The following NRXN3 variants were observed in gnomAD, a reference collection of about 807,000 sequenced individuals.
NRXN3 encodes neurexin 3.
A neutral mutation model predicts 137.6 loss-of-function variants in NRXN3; 32 were observed. That is an observed-to-expected ratio of 0.23 (90% CI 0.18 to 0.31). The LOEUF (loss-of-function observed/expected upper bound fraction) is 0.31, where lower values mean the gene tolerates loss of function less well. NRXN3 is among the 10% of genes least tolerant of loss of function. NRXN3 has a pLI of 1.00. For missense variants in NRXN3, 1,574 were observed against 2,062.5 expected, an observed-to-expected ratio of 0.76 and a Z score of 4.59; for synonymous variants, 798 against 784.5, an observed-to-expected ratio of 1.02 and a Z score of -0.29.
chr14:78,348,615 A>C (rs1012733718), intron 4 of NRXN3, among the ~76,000 whole-genome samples: 1 of 152,182 alleles, frequency 6.6e-6, no homozygotes, highest in Admixed American at 6.5e-5. Flanking sequence ...GCTGCGTATC[A>C]TTCTTTGGGG....
At chr14:79,804,591 A>G (rs1027658027) in intron 19 of NRXN3, among the ~76,000 whole-genome samples, 1 of 152,194 alleles carries the variant, frequency 6.6e-6, no homozygotes, top group Non-Finnish European at 1.5e-5. Context: ...GATAAAAGCC[A>G]TTATGCAGTT....
intron 4 of NRXN3, among the ~76,000 whole-genome samples, chr14:78,349,271 C>A (rs1272204914): frequency 1.3e-5 from 2 of 152,178 alleles, no homozygotes; most frequent in African/African-American, 4.8e-5. Context: ...GGCTGTCTGG[C>A]CAAGTTGCCG....
intron 1 of NRXN3, among the ~76,000 whole-genome samples, chr14:78,240,158 C>A (rs914259027): frequency 2.0e-5 from 3 of 152,210 alleles, no homozygotes; most frequent in African/African-American, 7.2e-5. Flanking sequence ...CTCTCACAAG[C>A]CTGTATGAGT....
chr14:78,312,754 T>C (rs908444255), intron 4 of NRXN3, among the ~76,000 whole-genome samples: 32 of 152,144 alleles, frequency 2.1e-4, no homozygotes, highest in African/African-American at 7.5e-4. Context: ...AAATCGGTTC[T>C]TAAATTGTTG....
At chr14:79,272,869 G>A (rs1598150315) in intron 15 of NRXN3, among the ~76,000 whole-genome samples, 1 of 152,124 alleles carries the variant, frequency 6.6e-6, no homozygotes, top group Non-Finnish European at 1.5e-5. Context: ...TTTGCATTCC[G>A]TGATTTGAAA....
intron 8 of NRXN3, 81 bp from the exon 9 acceptor site, chr14:78,803,539 T>C: frequency 7.6e-7 from 1 of 1,314,748 alleles, no homozygotes; most frequent in East Asian, 2.3e-5. Context: ...CCCTCTCTAC[T>C]CGCTTAGCCT....
chr14:79,426,494 G>A (rs2095656685), intron 15 of NRXN3, among the ~76,000 whole-genome samples: 1 of 152,224 alleles, frequency 6.6e-6, no homozygotes, highest in Non-Finnish European at 1.5e-5. Context: ...AGTACCTATT[G>A]ATAGAATGTG....
intron 15 of NRXN3, among the ~76,000 whole-genome samples, chr14:79,268,676 A>G (rs1383725761): frequency 6.6e-6 from 1 of 152,196 alleles, no homozygotes; most frequent in Non-Finnish European, 1.5e-5. Context: ...ACAGAATAGT[A>G]ATGCCATTTA....
At chr14:79,219,334 T>C (rs1206384969) in intron 15 of NRXN3, among the ~76,000 whole-genome samples, 1 of 152,210 alleles carries the variant, frequency 6.6e-6, no homozygotes, top group Non-Finnish European at 1.5e-5. Flanking sequence ...TCTTGCTATG[T>C]TGCCCAGGCT....
rs11848798 is a variant in NRXN3, at chr14:79,740,710, T to A, written c.4014+42773T>A. 4.4e-3 allele frequency among the ~76,000 whole-genome samples: 327 copies of A among 73,544 alleles called. 14 individuals carry two copies. Among genetic ancestry groups the A allele is most frequent in the African/African-American group, 0.017 (309 of 18,426 alleles). The allele number at this position is 73,544 out of a possible 152,430, so 48.2% of individuals were successfully genotyped here. ...TTTCCACTGGACTTTGCATTTAGTTTTTTATATATATATATATATATATAT... is the reference window on the plus strand; with the variant it reads ...TTTCCACTGGACTTTGCATTTAGTTATTTATATATATATATATATATATAT... On this transcript the variant is annotated intron_variant, in intron 19 of 20. Transcript: ENST00000335750.
chr14:79,371,687 T>A (rs571264660), intron 15 of NRXN3, among the ~76,000 whole-genome samples: 11 of 152,258 alleles, frequency 7.2e-5, no homozygotes, highest in African/African-American at 1.7e-4. Context: ...GTTGATAAGA[T>A]CTATCAATGA....
At chr14:79,196,703 G>C (rs1165033257) in intron 15 of NRXN3, among the ~76,000 whole-genome samples, 3 of 151,690 alleles carry the variant, frequency 2.0e-5, no homozygotes, top group Non-Finnish European at 4.4e-5. Flanking sequence ...ATATTAGTTG[G>C]GTCTCATTTG....
intron 4 of NRXN3, among the ~76,000 whole-genome samples, chr14:78,330,777 C>G (rs2080721825): frequency 1.3e-5 from 2 of 152,036 alleles, no homozygotes; most frequent in African/African-American, 4.8e-5. Context: ...TTTATATTAA[C>G]TAATTAAAAT....
intron 15 of NRXN3, among the ~76,000 whole-genome samples, chr14:79,001,042 T>G (rs2099540343): frequency 6.6e-6 from 1 of 152,106 alleles, no homozygotes; most frequent in Non-Finnish European, 1.5e-5. Flanking sequence ...GATTTTGCAT[T>G]TAGTTATATT....
At chr14:79,362,181 G>A (rs568429350) in intron 15 of NRXN3, among the ~76,000 whole-genome samples, 34 of 150,880 alleles carry the variant, frequency 2.3e-4, no homozygotes, top group African/African-American at 8.3e-4. Flanking sequence ...TTAAGTTCTA[G>A]GGTACATGTG....
chr14:78,213,634 T>A (rs1281549802), intron 1 of NRXN3, among the ~76,000 whole-genome samples: 2 of 152,126 alleles, frequency 1.3e-5, no homozygotes, highest in Non-Finnish European at 2.9e-5. Context: ...GAAGCAGCTT[T>A]GGGGGAGTGG....
chr14:79,566,046 G>A (rs1224592153), intron 16 of NRXN3, among the ~76,000 whole-genome samples: 1 of 152,130 alleles, frequency 6.6e-6, no homozygotes, highest in Admixed American at 6.6e-5. Flanking sequence ...TTTTCTGGGG[G>A]GCAGGAGACA....
At chr14:78,311,777 A>T (rs1052068772) in intron 4 of NRXN3, among the ~76,000 whole-genome samples, 1 of 151,956 alleles carries the variant, frequency 6.6e-6, no homozygotes, top group African/African-American at 2.4e-5. Context: ...ATTTCCTTGT[A>T]TTACTTGATG....
At chr14:79,190,993 A>G (rs771280350) in intron 15 of NRXN3, among the ~76,000 whole-genome samples, 1 of 152,208 alleles carries the variant, frequency 6.6e-6, no homozygotes, top group Non-Finnish European at 1.5e-5. Flanking sequence ...TGAGTTTCCC[A>G]TCTCCACTAA....
Sources: gnomAD v4.1 joint callset for allele counts (sites outside exome capture counted in the v4.1 genomes callset) on GRCh38, gnomAD v4.1.1 for gene constraint, MANE v1.5 for transcripts, NCBI Gene and HGNC (gene_info 2026-07-23, HGNC 2026-07-21) for gene names.